EXD3: variants seen among roughly 807,000 people sequenced by gnomAD.
EXD3 encodes exonuclease 3'-5' domain containing 3.
Under a neutral mutation model 98.0 loss-of-function variants are expected in EXD3, and 92 were observed. The ratio of observed to expected loss-of-function variants is 0.94; its 90% CI spans 0.79 to 1.12. EXD3 has a LOEUF of 1.12. Ranked by LOEUF, EXD3 falls within the 50% of genes most tolerant of loss-of-function variation. EXD3 has a pLI of 0.00. For missense variants in EXD3, 1,222 were observed against 1,191.6 expected, an observed-to-expected ratio of 1.03 and a Z score of -0.38; for synonymous variants, 569 against 526.0, an observed-to-expected ratio of 1.08 and a Z score of -1.12.
rs1049836560 is a variant in EXD3, at chr9:137,353,973, CT to C, written c.870+365del. The stretch of plus-strand genomic sequence containing the variant: ...CGGCCGGCTCTGCGCTGGCACCGGG[CT>C]GGGGGGGCCTGGCCTTCCTCCTTCC... On this transcript the variant is annotated intron_variant, in intron 10 of 21. Coordinates refer to ENST00000340951, the MANE Select transcript of EXD3 (RefSeq NM_017820.5). 38 of 1,083,002 alleles carry C rather than the reference CT, an allele frequency of 3.5e-5. No homozygotes were observed. The East Asian group carries it at 5.1e-4, about 15-fold the overall frequency. The allele number at this position is 1,083,002 out of a possible 1,614,324, so 67.1% of individuals were successfully genotyped here.
chr9:137,327,863 C>T (rs58387494), intron 17 of EXD3, among the ~76,000 whole-genome samples: 15 of 1,794 alleles, frequency 8.4e-3, no homozygotes, highest in Non-Finnish European at 0.015. Context: ...TATACTCCCA[C>T]ATGATGAATA....
rs899115092 is a variant in EXD3, at chr9:137,353,788, G to A, written c.870+551C>T. 2.5e-5 allele frequency: 25 copies of A among 985,864 alleles called. No individual in the cohort carries two copies. The African/African-American group carries it at 4.2e-4, about 17-fold the overall frequency. The allele number at this position is 985,864 out of a possible 1,614,324, so 61.1% of individuals were successfully genotyped here. On this transcript the variant is annotated intron_variant, in intron 10 of 21. Coordinates refer to ENST00000340951, the MANE Select transcript of EXD3 (RefSeq NM_017820.5). Reference sequence around the variant, plus strand: ...AGGGAGGGGACCTGCCCAGCAGGCTGAGCTCCTGCACGACCTCCCACCCCA... The same window carrying A: ...AGGGAGGGGACCTGCCCAGCAGGCTAAGCTCCTGCACGACCTCCCACCCCA...
At chr9:137,323,916 C>T (rs1021412010) in intron 18 of EXD3, 60 bp from the exon 19 acceptor site, 5 of 1,546,260 alleles carry the variant, frequency 3.2e-6, no homozygotes, top group African/African-American at 1.4e-5. Flanking sequence ...TGCCCAGGCC[C>T]AGCCCGCCTC....
At chr9:137,368,722 C>A (rs1194959754) in intron 5 of EXD3, among the ~76,000 whole-genome samples, 1 of 152,252 alleles carries the variant, frequency 6.6e-6, no homozygotes, top group Non-Finnish European at 1.5e-5. Flanking sequence ...CGGCTTCCAG[C>A]CCCGGTGCGC....
chr9:137,316,060 G>A (rs1452423867), intron 19 of EXD3, among the ~76,000 whole-genome samples: 1 of 108,834 alleles, frequency 9.2e-6, no homozygotes, highest in African/African-American at 3.5e-5. Flanking sequence ...CTCCCCCCTC[G>A]CCCCCCAGCT....
intron 7 of EXD3, among the ~76,000 whole-genome samples, chr9:137,364,696 C>T (rs752119521): frequency 3.3e-5 from 5 of 151,662 alleles, no homozygotes; most frequent in African/African-American, 7.3e-5. Context: ...TCCCAGTTTC[C>T]GTGTATATTT....
At chr9:137,319,487 G>A (rs1356676801) in intron 19 of EXD3, among the ~76,000 whole-genome samples, 2 of 152,246 alleles carry the variant, frequency 1.3e-5, no homozygotes, top group Non-Finnish European at 2.9e-5. Flanking sequence ...CCAGGGTTCA[G>A]CTGGGAGCAC....
chr9:137,325,494 A>G (rs1832347894), intron 17 of EXD3, among the ~76,000 whole-genome samples: 1 of 151,844 alleles, frequency 6.6e-6, no homozygotes, highest in Non-Finnish European at 1.5e-5. Flanking sequence ...GTGCAGTGGC[A>G]CAATCTCGGC....
At chr9:137,416,321 C>T (rs1454905624) in intron 1 of EXD3, among the ~76,000 whole-genome samples, 1 of 152,234 alleles carries the variant, frequency 6.6e-6, no homozygotes. Flanking sequence ...GACAAAGGGG[C>T]GGACTTGGGG....
At chr9:137,419,304 G>A (rs1455693009) in intron 1 of EXD3, among the ~76,000 whole-genome samples, 2 of 152,172 alleles carry the variant, frequency 1.3e-5, no homozygotes, top group Non-Finnish European at 2.9e-5. Flanking sequence ...TGCCAATCGC[G>A]TCTTCACCCA....
chr9:137,330,505 C>G (rs190932635), intron 17 of EXD3, among the ~76,000 whole-genome samples: 22 of 143,158 alleles, frequency 1.5e-4, no homozygotes, highest in Middle Eastern at 4.5e-3. Flanking sequence ...AGGAGCTACA[C>G]AGGACTACGC....
chr9:137,307,925 C>G (rs1427173257), intron 20 of EXD3, among the ~76,000 whole-genome samples: 1 of 151,574 alleles, frequency 6.6e-6, no homozygotes, highest in Non-Finnish European at 1.5e-5. Context: ...CTGATTAGGG[C>G]TCTTGGGGGC....
chr9:137,405,623 C>T lies in EXD3; in HGVS notation c.-47-10219G>A, dbSNP rs1837679552. 6.6e-6 allele frequency among the ~76,000 whole-genome samples: 1 copy of T among 152,278 alleles called. No individual in the cohort carries two copies. Among genetic ancestry groups the T allele is most frequent in the African/African-American group, 2.4e-5 (1 of 41,480 alleles). On this transcript the variant is annotated intron_variant, in intron 1 of 21. Transcript: ENST00000340951. This position sits in a 1 kb window ranked among gnomAD's most constrained non-coding sequence, Gnocchi z 4.1. Reference sequence around the variant, plus strand: ...CAGGCACAGCTCCCACTCTGTAAGGCAGCAGAAGCCACCATTTCTCTCTAT... The same window carrying T: ...CAGGCACAGCTCCCACTCTGTAAGGTAGCAGAAGCCACCATTTCTCTCTAT...
chr9:137,383,199 G>A (rs1245823376), intron 3 of EXD3, 114 bp downstream of exon 3: 11 of 866,516 alleles, frequency 1.3e-5, no homozygotes, highest in Admixed American at 6.3e-5. Context: ...CCCTGTGGCC[G>A]TGGGGGGCTG....
chr9:137,400,990 G>A (rs1223804339), intron 1 of EXD3, among the ~76,000 whole-genome samples: 1 of 152,068 alleles, frequency 6.6e-6, no homozygotes, highest in Non-Finnish European at 1.5e-5. Flanking sequence ...CCTCCCAGCT[G>A]CTTTCACAGG....
At chr9:137,399,455 A>G (rs1837381285) in intron 1 of EXD3, among the ~76,000 whole-genome samples, 1 of 151,846 alleles carries the variant, frequency 6.6e-6, no homozygotes. Context: ...TTTTTGGGAG[A>G]TTTCCTGAAC....
At chr9:137,315,952 G>A (rs1486827050) in intron 19 of EXD3, among the ~76,000 whole-genome samples, 1 of 150,698 alleles carries the variant, frequency 6.6e-6, no homozygotes, top group Non-Finnish European at 1.5e-5. Context: ...CCCAGGGGAT[G>A]GCAGCTCCCC....
rs538010849 is a variant in EXD3 at position 137,323,610 on chromosome 9, G to C, written c.2184+115C>G. ...CACCCTGGACCACGAGGGATGCTCT[G>C]CCGACACCCCACCCCAGACCCACCA... On this transcript the variant is annotated intron_variant, in intron 19 of 21. Coordinates refer to ENST00000340951, the MANE Select transcript of EXD3 (RefSeq NM_017820.5). 6.0e-5 allele frequency: 86 copies of C among 1,427,102 alleles called. No homozygotes were observed. The East Asian group carries it at 1.9e-3, about 32-fold the overall frequency. 88.4% of individuals were successfully genotyped at this position (1,427,102 alleles called of 1,614,324 possible).
chr9:137,367,608 T>G (rs1588361229), intron 6 of EXD3: 1 of 295,178 alleles, frequency 3.4e-6, no homozygotes, highest in Non-Finnish European at 6.4e-6. Flanking sequence ...CAGAGGAGGG[T>G]CCCAGAAGCA....
Sources: gnomAD v4.1 joint callset for allele counts (sites outside exome capture counted in the v4.1 genomes callset) on GRCh38, gnomAD v4.1.1 for gene constraint, Gnocchi (gnomAD v3.1) non-coding constraint, MANE v1.5 for transcripts, NCBI Gene and HGNC (gene_info 2026-07-23, HGNC 2026-07-21) for gene names.